The following SDK1 variants were observed in gnomAD, a reference collection of about 807,000 sequenced individuals.
SDK1 encodes protein sidekick-1.
Under a neutral mutation model 245.5 loss-of-function variants are expected in SDK1, and 157 were observed. That is an observed-to-expected ratio of 0.64 (90% CI 0.56 to 0.73). SDK1 has a LOEUF of 0.73. Among genes scored for constraint, SDK1 ranks in the 30% least tolerant of loss-of-function variants. SDK1 has a pLI of 0.00. For synonymous variants in SDK1, 1,647 were observed against 1,278.5 expected, an observed-to-expected ratio of 1.29 and a Z score of -6.15; for missense variants, 3,583 against 3,002.3, an observed-to-expected ratio of 1.19 and a Z score of -4.52.
chr7:3,608,577 T>C (rs1175526331), intron 1 of SDK1, among the ~76,000 whole-genome samples: 2 of 152,228 alleles, frequency 1.3e-5, no homozygotes, highest in Non-Finnish European at 2.9e-5. Context: ...ACTTTCGCAT[T>C]ATTTAAGGAG....
chr7:3,499,016 ATT>A (rs1782110246), intron 1 of SDK1, among the ~76,000 whole-genome samples: 2 of 152,272 alleles, frequency 1.3e-5, no homozygotes, highest in Admixed American at 6.5e-5. Flanking sequence ...TTTAATTAAA[ATT>A]TTGTTTTATA....
At chr7:3,351,757 A>G (rs112907049) in intron 1 of SDK1, among the ~76,000 whole-genome samples, 3 of 152,320 alleles carry the variant, frequency 2.0e-5, no homozygotes, top group African/African-American at 7.2e-5. Flanking sequence ...AAAAATATAC[A>G]GAAACAAGAA....
chr7:3,847,974 C>G (rs1780322417), intron 5 of SDK1, among the ~76,000 whole-genome samples: 1 of 149,846 alleles, frequency 6.7e-6, no homozygotes. Context: ...ATTAATCATA[C>G]TATCGTACTT....
intron 37 of SDK1, 120 bp from the exon 38 acceptor site, chr7:4,209,903 CTT>C (rs1244548179): frequency 3.1e-6 from 3 of 973,360 alleles, no homozygotes; most frequent in Admixed American, 2.9e-5. Context: ...GACATTCAGA[CTT>C]TTACTGAGTT....
rs111405844 is a variant in SDK1, at chr7:4,139,457, A to T, written c.4229-6265A>T. Reference sequence around the variant, plus strand: ...TATATGTGTGTGTATATGTGTGTGTATATGTATATATGTGTGTGTATATGT... The same window carrying T: ...TATATGTGTGTGTATATGTGTGTGTTTATGTATATATGTGTGTGTATATGT... On this transcript the variant is annotated intron_variant, in intron 28 of 44. Transcript: ENST00000404826. Among the ~76,000 whole-genome samples, 2 of 135,002 alleles carry T rather than the reference A, an allele frequency of 1.5e-5. 1 individual carries two copies. The highest frequency in any genetic ancestry group is 3.2e-5 in the Non-Finnish European group (2 of 62,032). The allele number at this position is 135,002 out of a possible 152,430, so 88.6% of individuals were successfully genotyped here.
chr7:3,931,580 C>T (rs1779981257), intron 5 of SDK1, among the ~76,000 whole-genome samples: 1 of 152,180 alleles, frequency 6.6e-6, no homozygotes, highest in African/African-American at 2.4e-5. Context: ...GAAATCCTTG[C>T]TTTCTATTCA....
chr7:3,793,739 G>C (rs984699824), intron 4 of SDK1, among the ~76,000 whole-genome samples: 6 of 151,972 alleles, frequency 3.9e-5, no homozygotes, highest in African/African-American at 1.4e-4. Flanking sequence ...CACATTCACA[G>C]TACTGGATTC....
chr7:3,775,752 A>G (rs1780537983), intron 4 of SDK1, among the ~76,000 whole-genome samples: 1 of 151,090 alleles, frequency 6.6e-6, no homozygotes, highest in Non-Finnish European at 1.5e-5. Flanking sequence ...AATTTTTTGT[A>G]TTTTTAGTAG....
At chr7:3,753,679 G>A (rs934895261) in intron 4 of SDK1, among the ~76,000 whole-genome samples, 2 of 152,170 alleles carry the variant, frequency 1.3e-5, no homozygotes, top group Non-Finnish European at 2.9e-5. Flanking sequence ...AAATTTTCAG[G>A]TGTCTGACTA....
intron 1 of SDK1, among the ~76,000 whole-genome samples, chr7:3,323,419 A>C (rs1477407524): frequency 6.6e-6 from 1 of 152,222 alleles, no homozygotes; most frequent in Non-Finnish European, 1.5e-5. Flanking sequence ...ATATGTGGTA[A>C]CATTGGCCAG....
At chr7:4,237,846 G>A (rs747575501) in intron 42 of SDK1, 62 bp downstream of exon 42, 54 of 1,583,796 alleles carry the variant, frequency 3.4e-5, no homozygotes, top group Middle Eastern at 1.7e-4. Context: ...CATAGCGTTC[G>A]TTCTCTCGTG....
At chr7:3,604,518 T>C (rs1189616502) in intron 1 of SDK1, among the ~76,000 whole-genome samples, 1 of 152,084 alleles carries the variant, frequency 6.6e-6, no homozygotes, top group Non-Finnish European at 1.5e-5. Context: ...TATTTTGATA[T>C]GCTGTATTTT....
intron 22 of SDK1, among the ~76,000 whole-genome samples, chr7:4,105,715 C>G (rs1390752364): frequency 6.6e-6 from 1 of 152,172 alleles, no homozygotes; most frequent in Non-Finnish European, 1.5e-5. Flanking sequence ...GGCAGCCTGG[C>G]AGGGGCAGTG....
At chr7:3,802,635 C>G (rs1004163562) in intron 4 of SDK1, among the ~76,000 whole-genome samples, 4 of 152,036 alleles carry the variant, frequency 2.6e-5, no homozygotes, top group Non-Finnish European at 4.4e-5. Flanking sequence ...GCTTCCCAAC[C>G]TGGCAGCCGC....
intron 1 of SDK1, among the ~76,000 whole-genome samples, chr7:3,361,316 C>T (rs1780945553): frequency 6.6e-6 from 1 of 152,188 alleles, no homozygotes; most frequent in Non-Finnish European, 1.5e-5. Flanking sequence ...TTTTTAAACA[C>T]TTATGGTGAG....
intron 5 of SDK1, among the ~76,000 whole-genome samples, chr7:3,843,838 A>G (rs1323906095): frequency 6.6e-6 from 1 of 152,154 alleles, no homozygotes. Flanking sequence ...TGAGCACAAC[A>G]AAATGAAATA....
At chr7:3,492,151 A>C (rs191620878) in intron 1 of SDK1, among the ~76,000 whole-genome samples, 31 of 152,340 alleles carry the variant, frequency 2.0e-4, no homozygotes, top group African/African-American at 6.7e-4. Flanking sequence ...TAGGGAACTT[A>C]GTAAGTGCTT....
chr7:4,261,726 TA>T (rs1788024020), intron 44 of SDK1, among the ~76,000 whole-genome samples: 2 of 152,158 alleles, frequency 1.3e-5, no homozygotes, highest in Admixed American at 1.3e-4. Context: ...CTCACTCTTT[TA>T]CCCCCTCCCC....
rs371433882 is a variant in SDK1 at position 3,444,861 on chromosome 7, G to A, written c.298+142977G>A. On this transcript the variant is annotated intron_variant, in intron 1 of 44. Coordinates refer to ENST00000404826, the MANE Select transcript of SDK1 (RefSeq NM_152744.4). ...GAGCCCTACCTGCATGGTTTGAATA[G>A]CCTCAGTAGCCAATTTCACAAACAA... 2.0e-5 allele frequency among the ~76,000 whole-genome samples: 3 copies of A among 152,254 alleles called. No homozygotes were observed. In the East Asian group the frequency reaches 5.8e-4, roughly 29 times the overall value.
Sources: gnomAD v4.1 joint callset for allele counts (sites outside exome capture counted in the v4.1 genomes callset) on GRCh38, gnomAD v4.1.1 for gene constraint, MANE v1.5 for transcripts, NCBI Gene and HGNC (gene_info 2026-07-23, HGNC 2026-07-21) for gene names.